Variants in GLB1L3 observed in about 807,000 individuals in gnomAD.
GLB1L3 encodes the protein beta-galactosidase-1-like protein 3.
A neutral mutation model predicts 89.5 loss-of-function variants in GLB1L3; 89 were observed. The observed-to-expected ratio is 0.99, with a 90% CI of 0.84 to 1.19. The LOEUF is 1.19. Among genes scored for constraint, GLB1L3 ranks in the 50% most tolerant of loss-of-function variants. The probability of loss-of-function intolerance (pLI) is 0.00; values close to 1 mark genes in which losing one functional copy is unlikely to be tolerated. For synonymous variants in GLB1L3, 314 were observed against 312.3 expected, an observed-to-expected ratio of 1.01 and a Z score of -0.06; for missense variants, 812 against 813.3, an observed-to-expected ratio of 1.00 and a Z score of 0.02.
rs1172680155 is a variant in GLB1L3 at position 134,276,505 on chromosome 11, C to G, written c.-236C>G. Reference sequence around the variant, plus strand: ...GCGCCCGGACGCACTGCGGGAACACCTGGAGCGCCGGCGGAGCTCGGCTGT... The same window carrying G: ...GCGCCCGGACGCACTGCGGGAACACGTGGAGCGCCGGCGGAGCTCGGCTGT... On this transcript the variant is annotated 5_prime_UTR_variant, in exon 1 of 20. Coordinates refer to ENST00000431683, the MANE Select transcript of GLB1L3 (RefSeq NM_001080407.3). 1 of 380,932 alleles carries G rather than the reference C, an allele frequency of 2.6e-6. No homozygotes were observed. Among genetic ancestry groups the G allele is most frequent in the South Asian group, 1.2e-4 (1 of 8,136 alleles). 23.6% of individuals were successfully genotyped at this position (380,932 alleles called of 1,614,324 possible). A position where few individuals can be genotyped will look rare whatever the true frequency, so the allele number is the denominator to read the frequency against.
At chr11:134,308,475 T>TCACCATC (rs1565413930) in intron 10 of GLB1L3, among the ~76,000 whole-genome samples, 1 of 20,354 alleles carries the variant, frequency 4.9e-5, no homozygotes, top group African/African-American at 2.0e-4. Context: ...CACCACCAAA[T>TCACCATC]ACCACCACCA....
chr11:134,320,750 AC>A (rs1380525627), downstream of GLB1L3, among the ~76,000 whole-genome samples: 2 of 150,432 alleles, frequency 1.3e-5, no homozygotes, highest in African/African-American at 2.5e-5. Flanking sequence ...AAAAAAAAAA[AC>A]AAAATATAGA....
At chr11:134,292,372 C>G (rs1302209975) in intron 8 of GLB1L3, 159 bp downstream of exon 8, 1 of 591,408 alleles carries the variant, frequency 1.7e-6, no homozygotes, top group Non-Finnish European at 3.0e-6. Flanking sequence ...AATGAGGACT[C>G]AAGGTTAAGG....
In GLB1L3 at chr11:134,319,464, A is replaced by G. The variant is rs1462107832; in HGVS notation, c.*522A>G. 1 of 152,526 alleles carries G rather than the reference A, an allele frequency of 6.6e-6. No individual in the cohort carries two copies. Among genetic ancestry groups the G allele is most frequent in the Non-Finnish European group, 1.5e-5 (1 of 68,294 alleles). The allele number at this position is 152,526 out of a possible 1,614,324, so 9.4% of individuals were successfully genotyped here. On this transcript the variant is annotated 3_prime_UTR_variant, in exon 20 of 20. Transcript: ENST00000431683. Reference sequence around the variant, plus strand: ...CTTTAAAAAGTCTTCAAAATCTTTAATGACTGATTTATCTAGTTAAATGCT... The same window carrying G: ...CTTTAAAAAGTCTTCAAAATCTTTAGTGACTGATTTATCTAGTTAAATGCT...
intron 9 of GLB1L3, among the ~76,000 whole-genome samples, chr11:134,304,731 C>T (rs563382744): frequency 1.7e-4 from 26 of 152,112 alleles, no homozygotes; most frequent in African/African-American, 5.5e-4. Flanking sequence ...TTTTTATGCT[C>T]TCCATTTATA....
chr11:134,282,620 C>T (rs1048948289), intron 5 of GLB1L3, among the ~76,000 whole-genome samples: 1 of 152,142 alleles, frequency 6.6e-6, no homozygotes, highest in Non-Finnish European at 1.5e-5. Flanking sequence ...ACCCTCAGCT[C>T]CCCTCCCTTC....
At chr11:134,323,305 G>T (rs1219694815), downstream of GLB1L3, among the ~76,000 whole-genome samples, 2 of 152,124 alleles carry the variant, frequency 1.3e-5, no homozygotes, top group African/African-American at 4.8e-5. Flanking sequence ...TGCATCACCT[G>T]AGGTCAGGCG....
chr11:134,289,007 C>T (rs1941185348), intron 7 of GLB1L3, 117 bp downstream of exon 7: 1 of 698,566 alleles, frequency 1.4e-6, no homozygotes, highest in South Asian at 2.2e-5. Context: ...GAATGTTGGC[C>T]TGTGAACACG....
At chr11:134,290,730 C>G (rs1941314049) in intron 7 of GLB1L3, among the ~76,000 whole-genome samples, 1 of 152,148 alleles carries the variant, frequency 6.6e-6, no homozygotes, top group Admixed American at 6.5e-5. Flanking sequence ...TAGATGTCCC[C>G]ATCCCTGCAG....
At chr11:134,305,228 G>A (rs1942140788) in intron 9 of GLB1L3, 1 of 816,218 alleles carries the variant, frequency 1.2e-6, no homozygotes. Context: ...AGCTTCTGAT[G>A]CACTGAATTA....
intron 11 of GLB1L3, chr11:134,310,053 T>C: frequency 2.1e-6 from 1 of 474,532 alleles, no homozygotes; most frequent in South Asian, 2.7e-5. Flanking sequence ...CGGTGACTGC[T>C]GTAAAGGCAC....
At chr11:134,289,150 G>C in intron 7 of GLB1L3, 1 of 388,812 alleles carries the variant, frequency 2.6e-6, no homozygotes, top group Non-Finnish European at 4.6e-6. Flanking sequence ...ATTAATGCAG[G>C]TTTTGTATAT....
At chr11:134,319,724 ATGTG>A (rs71464005), downstream of GLB1L3, among the ~76,000 whole-genome samples, 8 of 128,180 alleles carry the variant, frequency 6.2e-5, no homozygotes, top group Admixed American at 1.5e-4. Flanking sequence ...CTCTCTGTGT[ATGTG>A]TGTGTGTGTG....
rs760843951 is a variant in GLB1L3 at position 134,292,255 on chromosome 11, G to C, written c.811+42G>C. ...AGTTCACAGGAGAACAGGGCTCTCA[G>C]CCAGCCCGTGTAAATCTTGAACACA... On this transcript the variant is annotated intron_variant, in intron 8 of 19. Coordinates refer to ENST00000431683, the MANE Select transcript of GLB1L3 (RefSeq NM_001080407.3). 4.1e-6 allele frequency: 6 copies of C among 1,450,508 alleles called. No homozygotes were observed. The South Asian group carries it at 4.7e-5, about 11-fold the overall frequency. The allele number at this position is 1,450,508 out of a possible 1,614,324, so 89.9% of individuals were successfully genotyped here. A position where few individuals can be genotyped will look rare whatever the true frequency, so the allele number is the denominator to read the frequency against.
intron 9 of GLB1L3, 25 bp from the exon 10 acceptor site, chr11:134,307,099 A>T: frequency 6.3e-7 from 1 of 1,580,012 alleles, no homozygotes; most frequent in Admixed American, 1.7e-5. Context: ...TGCCAGACTT[A>T]GTATTTGCTT....
chr11:134,311,445 T>TGGTCCTTAC (rs1942731999), intron 13 of GLB1L3: 4 of 335,934 alleles, frequency 1.2e-5, no homozygotes, highest in Non-Finnish European at 2.2e-5. Context: ...TTGGACTGTG[T>TGGTCCTTAC]GGTCCTTACG....
chr11:134,297,859 C>CA (rs34354899), intron 9 of GLB1L3, among the ~76,000 whole-genome samples: 40 of 100,960 alleles, frequency 4.0e-4, no homozygotes, highest in African/African-American at 1.1e-3. Flanking sequence ...GACTCTGTCT[C>CA]AAAAAAAAAA....
chr11:134,309,097 A>G (rs1342662225), intron 10 of GLB1L3, among the ~76,000 whole-genome samples: 1 of 152,208 alleles, frequency 6.6e-6, no homozygotes. Flanking sequence ...TGTACTAATT[A>G]TATGTATGAT....
Position 134,312,416 on chromosome 11 carries a change from A to G in GLB1L3, c.1355A>G (p.Tyr452Cys), listed in dbSNP as rs765085603. Residue 452 changes from tyrosine (Y) to cysteine (C), a missense_variant, in exon 14 of 20, where the codon TAC (tyrosine) becomes TGC (cysteine). Tyr to Cys is a radical substitution (Grantham distance 194). Coordinates refer to ENST00000431683, the MANE Select transcript of GLB1L3 (RefSeq NM_001080407.3). ...LPINNGSGQS[Y>C]GLVLYEKSIC... ...ATAAACAATGGGAGCGGCCAGTCCT[A>G]CGGGCTTGTCCTGTATGAGAAGTCC... 3 of 1,613,654 alleles carry G rather than the reference A, an allele frequency of 1.9e-6. No homozygotes were observed. The African/African-American group carries it at 4.0e-5, about 22-fold the overall frequency.
Sources: gnomAD v4.1 joint callset for allele counts (sites outside exome capture counted in the v4.1 genomes callset) on GRCh38, gnomAD v4.1.1 for gene constraint, MANE v1.5 for transcripts, NCBI Gene and HGNC (gene_info 2026-07-23, HGNC 2026-07-21) for gene names.